The following TTN variants were observed in gnomAD, a reference collection of about 807,000 sequenced individuals.
TTN encodes connectin.
TTN carries 1,525 observed loss-of-function variants against 3,223.0 expected under a neutral mutation model. That is an observed-to-expected ratio of 0.47 (90% CI 0.45 to 0.49). The LOEUF is 0.49. Among genes scored for constraint, TTN ranks in the 20% least tolerant of loss-of-function variants. The probability of loss-of-function intolerance (pLI) is 0.00; values close to 1 mark genes in which losing one functional copy is unlikely to be tolerated. For synonymous variants in TTN, 14,094 were observed against 15,161.0 expected, an observed-to-expected ratio of 0.93 and a Z score of 5.17; for missense variants, 40,786 against 43,424.0, an observed-to-expected ratio of 0.94 and a Z score of 5.40.
At position 178,615,461 on chromosome 2, in the gene TTN, C is replaced by G. The variant is rs1240591275; in HGVS notation, c.48484G>C (p.Val16162Leu). ...PATVPDPPENVKWRDRTANSI... is the reference protein window; with the variant it reads ...PATVPDPPENLKWRDRTANSI... ...TTGGCTGTTCGATCTCTCCATTTAACATTCTCTGGTGGGTCAGGTACCGCT... is the reference window on the plus strand; with the variant it reads ...TTGGCTGTTCGATCTCTCCATTTAAGATTCTCTGGTGGGTCAGGTACCGCT... The change falls in exon 259 of 363, where the codon GTT becomes CTT. Residue 16162 changes from valine to leucine, a missense_variant. Physicochemically the swap from Val to Leu is conservative, Grantham distance 32 (BLOSUM62 1). Transcript: ENST00000589042. The G allele has an allele frequency of 1.9e-6, 3 of 1,612,098 alleles. No homozygotes were observed. In the African/African-American group the frequency reaches 4.0e-5, roughly 22 times the overall value.
At chr2:178,726,161 G>A in intron 69 of TTN, 115 bp from the exon 70 acceptor site, 1 of 1,220,256 alleles carries the variant, frequency 8.2e-7, no homozygotes, top group South Asian at 1.9e-5. Context: ...GGTAAGTAGA[G>A]TCCAGCACTA....
In TTN at chr2:178,603,880, G is replaced by C; in HGVS notation, c.54807C>G (p.Pro18269=). The change falls in exon 282 of 363, where the codon CCC becomes CCG. Residue 18269 remains proline (P), a synonymous_variant. Transcript: ENST00000589042. Reference sequence around the variant, plus strand: ...CAGAAACGGAAGCATACTTACATATGGGATCTCCTGCAACCTCTGGATCTG... The same window carrying C: ...CAGAAACGGAAGCATACTTACATATCGGATCTCCTGCAACCTCTGGATCTG... The part of the protein sequence containing the change: ...EPSDPEVAGD[P]IFPPGPPSCP... 6.3e-7 allele frequency: 1 copy of C among 1,579,242 alleles called. No homozygotes were observed. The highest frequency in any genetic ancestry group is 8.7e-7 in the Non-Finnish European group (1 of 1,155,976).
At chr2:178,674,444 A>C (rs904381840) in intron 150 of TTN, 35 bp from the exon 151 acceptor site, 1 of 1,280,580 alleles carries the variant, frequency 7.8e-7, no homozygotes, top group Non-Finnish European at 1.1e-6. Context: ...AATTATTTTT[A>C]TAATTATTTT....
Position 178,723,407 on chromosome 2 carries a change from C to T in TTN, c.21682+11G>A. The T allele has an allele frequency of 6.2e-7, 1 of 1,607,756 alleles. No homozygotes were observed. Among genetic ancestry groups the T allele is most frequent in the Non-Finnish European group, 8.5e-7 (1 of 1,176,558 alleles). On this transcript the variant is annotated intron_variant, in intron 74 of 362. Coordinates refer to ENST00000589042, the MANE Select transcript of TTN (RefSeq NM_001267550.2). Reference sequence around the variant, plus strand: ...ACAGAAAACAGAAAAAGTGAATCCACTTGAGCAAACCTTTCACAAAGAGAC... The same window carrying T: ...ACAGAAAACAGAAAAAGTGAATCCATTTGAGCAAACCTTTCACAAAGAGAC...
At chr2:178,787,259 A>G (rs2093247175) in intron 13 of TTN, among the ~76,000 whole-genome samples, 1 of 152,134 alleles carries the variant, frequency 6.6e-6, no homozygotes, top group Non-Finnish European at 1.5e-5. Context: ...TTGGGTCTTT[A>G]GTGATCATGG....
chr2:178,614,612 TG>T lies in TTN; in HGVS notation c.48901del (p.Gln16301ArgfsTer16). 1 of 1,612,526 alleles carries T rather than the reference TG, an allele frequency of 6.2e-7. No individual in the cohort carries two copies. The highest frequency in any genetic ancestry group is 1.7e-4 in the Middle Eastern group (1 of 6,050). On this transcript the variant is annotated frameshift_variant, in exon 261 of 363. Coordinates refer to ENST00000589042, the MANE Select transcript of TTN (RefSeq NM_001267550.2). LOFTEE classifies it high-confidence loss of function. ...ATTTTCAATGGTAATTCTTTTGTCC[TG>T]CTTCAGAATCATATCAGCCTTTGTC... ...TWTKADMILK[Q>X]DKRITIENVP...
chr2:178,664,698 G>C lies in TTN; in HGVS notation c.36158C>G (p.Thr12053Arg). 6.2e-7 allele frequency: 1 copy of C among 1,612,336 alleles called. No homozygotes were observed. Among genetic ancestry groups the C allele is most frequent in the Non-Finnish European group, 8.5e-7 (1 of 1,179,644 alleles). The stretch of plus-strand genomic sequence containing the variant: ...AGGCTTTCTGAGAGGAACCACAAGC[G>C]TTTTCTTTTCAGGGACAATTTCTTG... ...ALQEIVPEKK[T>R]LVVPLRKPEV... The change falls in exon 167 of 363, where the codon ACG (threonine) becomes AGG (arginine). Residue 12053 changes from threonine (T) to arginine (R), a missense_variant. By Grantham distance (71) the Thr-to-Arg change is moderately conservative. Transcript: ENST00000589042.
In TTN at chr2:178,532,773, T is replaced by C. The variant is rs2154134584; in HGVS notation, c.103842A>G (p.Gln34614=). 6.2e-7 allele frequency: 1 copy of C among 1,613,990 alleles called. No individual in the cohort carries two copies. Among genetic ancestry groups the C allele is most frequent in the Non-Finnish European group, 8.5e-7 (1 of 1,179,864 alleles). The part of the protein sequence containing the change: ...YVMPLPRITD[Q]YRPKWRIPKL... Reference sequence around the variant, plus strand: ...TAGGAATACGCCATTTAGGTCTGTATTGATCTGTAATGCGTGGAAGAGGCA... The same window carrying C: ...TAGGAATACGCCATTTAGGTCTGTACTGATCTGTAATGCGTGGAAGAGGCA... Residue 34614 remains glutamine, a synonymous_variant, in exon 358 of 363, where the codon CAA becomes CAG. Coordinates refer to ENST00000589042, the MANE Select transcript of TTN (RefSeq NM_001267550.2).
At chr2:178,753,205 G>A (rs371010768) in intron 46 of TTN, 25 bp from the exon 47 acceptor site, 17 of 1,549,266 alleles carry the variant, frequency 1.1e-5, no homozygotes, top group Non-Finnish European at 1.5e-5. Flanking sequence ...CATATAAAGA[G>A]ATTTTAGTGA....
At position 178,612,403 on chromosome 2, in the gene TTN, T is replaced by C. The variant is rs2056500591; in HGVS notation, c.50122A>G (p.Thr16708Ala). ...WQTVDTTVKDTKCTVTPLTEG... is the reference protein window; with the variant it reads ...WQTVDTTVKDAKCTVTPLTEG... ...GTCAGTGGGGTGACTGTGCACTTGGTGTCCTTGACAGTGGTATCCACTGTT... is the reference window on the plus strand; with the variant it reads ...GTCAGTGGGGTGACTGTGCACTTGGCGTCCTTGACAGTGGTATCCACTGTT... Residue 16708 changes from threonine (T) to alanine (A), a missense_variant, in exon 266 of 363, where the codon ACC (threonine) becomes GCC (alanine). Transcript: ENST00000589042. The C allele has an allele frequency of 1.2e-6, 2 of 1,612,426 alleles. No homozygotes were observed. Among genetic ancestry groups the C allele is most frequent in the Middle Eastern group, 1.6e-4 (1 of 6,070 alleles).
At position 178,710,745 on chromosome 2, in the gene TTN, CT is replaced by C; in HGVS notation, c.28351del (p.Ser9451AlafsTer4). 6.2e-7 allele frequency: 1 copy of C among 1,613,844 alleles called. No individual in the cohort carries two copies. Among genetic ancestry groups the C allele is most frequent in the Non-Finnish European group, 8.5e-7 (1 of 1,179,828 alleles). On this transcript the variant is annotated frameshift_variant, in exon 98 of 363. Coordinates refer to ENST00000589042, the MANE Select transcript of TTN (RefSeq NM_001267550.2). LOFTEE classifies it high-confidence loss of function. Reference protein sequence around the residue: ...GKYQISYLENSAHLTVLKVDK... With the variant: ...GKYQISYLENXAHLTVLKVDK... ...TACTTTGAGGACTGTCAGGTGGGCG[CT>C]GTTTTCCAGATAACTAATCTGGTAC...
rs764341718 is a variant in TTN, at chr2:178,612,625, A to G, written c.49949-49T>C. On this transcript the variant is annotated intron_variant, in intron 265 of 362. Coordinates refer to ENST00000589042, the MANE Select transcript of TTN (RefSeq NM_001267550.2). ...AATTCATTTTTTTTTTTATTACCCAATAGTCAGTCTGAAAGTGCAGGCAGT... is the reference window on the plus strand; with the variant it reads ...AATTCATTTTTTTTTTTATTACCCAGTAGTCAGTCTGAAAGTGCAGGCAGT... 5 of 1,568,892 alleles carry G rather than the reference A, an allele frequency of 3.2e-6. No individual in the cohort carries two copies. The African/African-American group carries it at 6.9e-5, about 22-fold the overall frequency.
Position 178,651,768 on chromosome 2 carries a change from T to C in TTN, c.39380-19A>G, listed in dbSNP as rs374197702. 26 of 1,611,582 alleles carry C rather than the reference T, an allele frequency of 1.6e-5. No homozygotes were observed. In the Admixed American group the frequency reaches 1.7e-4, roughly 10 times the overall value. On this transcript the variant is annotated intron_variant, in intron 205 of 362. Transcript: ENST00000589042. ...ACGGTCACTAAAGAATTAGAAGGTATGTTTTAGAAAGAACGAAGATTGAGA... is the reference window on the plus strand; with the variant it reads ...ACGGTCACTAAAGAATTAGAAGGTACGTTTTAGAAAGAACGAAGATTGAGA...
In TTN at chr2:178,583,199, A is replaced by G. The variant is rs200825430; in HGVS notation, c.65604T>C (p.Ala21868=). The change falls in exon 313 of 363, where the codon GCT becomes GCC. Residue 21868 remains alanine, a synonymous_variant. Transcript: ENST00000589042. ...CTTTCACAGTAAGCAAAGATTTCATAGCCACACTCAGGTCTATCCTGGGAG... is the reference window on the plus strand; with the variant it reads ...CTTTCACAGTAAGCAAAGATTTCATGGCCACACTCAGGTCTATCCTGGGAG... ...NVPPRIDLSV[A]MKSLLTVKAG... is the part of the protein sequence containing the mutation. The G allele has an allele frequency of 4.1e-4, 660 of 1,608,640 alleles. 3 individuals are homozygous for G. Among genetic ancestry groups the G allele is most frequent in the East Asian group, 9.0e-5 (4 of 44,584 alleles).
rs747705578 is a variant in TTN at position 178,693,955 on chromosome 2, C to T, written c.31480G>A (p.Ala10494Thr). The change falls in exon 118 of 363, where the codon GCT becomes ACT. Residue 10494 changes from alanine to threonine, a missense_variant. Coordinates refer to ENST00000589042, the MANE Select transcript of TTN (RefSeq NM_001267550.2). ...GACACCTCCTCCTCTGTGTGAGAAG[C>T]AAAGAACATCTTTTCTTCTGAAATA... Reference protein sequence around the residue: ...MVISEEKMFFASHTEEEVSVT... With the variant: ...MVISEEKMFFTSHTEEEVSVT... 2 of 1,612,894 alleles carry T rather than the reference C, an allele frequency of 1.2e-6. No homozygotes were observed. The highest frequency in any genetic ancestry group is 2.7e-5 in the African/African-American group (2 of 74,904).
At position 178,557,809 on chromosome 2, in the gene TTN, G is replaced by A. The variant is rs1215379633; in HGVS notation, c.87545C>T (p.Thr29182Ile). The change falls in exon 328 of 363, where the codon ACT (threonine) becomes ATT (isoleucine). Residue 29182 changes from threonine (T) to isoleucine (I), a missense_variant. Transcript: ENST00000589042. ...TGCAGACACTTCAGTCCACACTGCA[G>A]TACTTGTTTCTCTTTTGAGTAGAAT... ...NYILLKRETS[T>I]AVWTEVSATV... 1 of 1,613,848 alleles carries A rather than the reference G, an allele frequency of 6.2e-7. No homozygotes were observed. Among genetic ancestry groups the A allele is most frequent in the African/African-American group, 1.3e-5 (1 of 74,922 alleles).
rs753824961 is a variant in TTN at position 178,689,557 on chromosome 2, T to C, written c.31885A>G (p.Ile10629Val). 8 of 1,610,050 alleles carry C rather than the reference T, an allele frequency of 5.0e-6. No individual in the cohort carries two copies. The Middle Eastern group carries it at 4.9e-4, about 99-fold the overall frequency. Residue 10629 changes from isoleucine (I) to valine (V), a missense_variant, in exon 123 of 363, where the codon ATA becomes GTA. Ile to Val is a conservative substitution (Grantham distance 29). Transcript: ENST00000589042. Reference sequence around the variant, plus strand: ...TCCTCTCTTTGAGTTACAATGGTTATTTTTTCTTCTGTCACAACTCCCTTC... The same window carrying C: ...TCCTCTCTTTGAGTTACAATGGTTACTTTTTCTTCTGTCACAACTCCCTTC... The part of the protein sequence containing the change: ...VQKGVVTEEK[I>V]TIVTQREESP...
rs201757429 is a variant in TTN at position 178,750,458 on chromosome 2, T to C, written c.11311+2666A>G. 2.2e-5 allele frequency: 35 copies of C among 1,612,876 alleles called. No individual in the cohort carries two copies. Among genetic ancestry groups the C allele is most frequent in the Non-Finnish European group, 2.9e-5 (34 of 1,179,308 alleles). Reference sequence around the variant, plus strand: ...GTTTTGATTACGTGGGATTGGCATGTCATTGTTATACCACGTCACTATAGG... The same window carrying C: ...GTTTTGATTACGTGGGATTGGCATGCCATTGTTATACCACGTCACTATAGG... On this transcript the variant is annotated intron_variant, in intron 47 of 362. Transcript: ENST00000589042.
chr2:178,544,529 T>C, intron 344 of TTN, 23 bp from the exon 345 acceptor site: 1 of 1,567,532 alleles, frequency 6.4e-7, no homozygotes, highest in Non-Finnish European at 8.7e-7. Flanking sequence ...AAAAGTGAGA[T>C]GCAGATATTA....
Sources: gnomAD v4.1 joint callset for allele counts (sites outside exome capture counted in the v4.1 genomes callset) on GRCh38, gnomAD v4.1.1 for gene constraint, MANE v1.5 for transcripts, NCBI Gene and HGNC (gene_info 2026-07-23, HGNC 2026-07-21) for gene names.